Variants in NFYC observed in about 807,000 individuals in gnomAD.
NFYC encodes the protein nuclear transcription factor Y subunit gamma.
A neutral mutation model predicts 53.1 loss-of-function variants in NFYC; 25 were observed. The observed-to-expected ratio is 0.47, with a 90% CI of 0.34 to 0.66. The LOEUF (loss-of-function observed/expected upper bound fraction) is 0.66, where lower values mean the gene tolerates loss of function less well. Ranked by LOEUF, NFYC falls within the 30% of genes least tolerant of loss-of-function variation. The probability of loss-of-function intolerance (pLI) is 0.01; values close to 1 mark genes in which losing one functional copy is unlikely to be tolerated. For missense variants in NFYC, 260 were observed against 422.7 expected, an observed-to-expected ratio of 0.62 and a Z score of 3.38; for synonymous variants, 145 against 152.6, an observed-to-expected ratio of 0.95 and a Z score of 0.37.
At chr1:40,747,841 G>A (rs558809658) in intron 3 of NFYC, among the ~76,000 whole-genome samples, 1 of 136,996 alleles carries the variant, frequency 7.3e-6, no homozygotes, top group South Asian at 2.4e-4. Context: ...TTGATGTTGG[G>A]TTTTTTTTTT....
intron 6 of NFYC, among the ~76,000 whole-genome samples, chr1:40,761,009 ATT>A (rs1646516132): frequency 6.6e-6 from 1 of 152,198 alleles, no homozygotes; most frequent in African/African-American, 2.4e-5. Context: ...GCAGGCTCTG[ATT>A]GGCTGATCAT....
At chr1:40,705,694 T>G (rs1412822916) in intron 1 of NFYC, among the ~76,000 whole-genome samples, 1 of 152,200 alleles carries the variant, frequency 6.6e-6, no homozygotes, top group Non-Finnish European at 1.5e-5. Context: ...ATTGGCTAGG[T>G]CTCTAACTGG....
intron 7 of NFYC, chr1:40,766,257 C>T (rs1455888477): frequency 4.4e-6 from 1 of 226,798 alleles, no homozygotes; most frequent in Non-Finnish European, 8.7e-6. Flanking sequence ...TGATGTCAGT[C>T]AGATAAATTC....
chr1:40,700,364 TGG>T (rs1416987394), intron 1 of NFYC, among the ~76,000 whole-genome samples: 1 of 152,194 alleles, frequency 6.6e-6, no homozygotes, highest in South Asian at 2.1e-4. Context: ...TTTTTTGAGA[TGG>T]GGTCTCACTT....
intron 6 of NFYC, among the ~76,000 whole-genome samples, chr1:40,759,668 C>T (rs547633590): frequency 2.0e-4 from 31 of 151,356 alleles, no homozygotes; most frequent in African/African-American, 6.8e-4. Flanking sequence ...AAGATGTGAA[C>T]GAGGTGGTCA....
At chr1:40,707,246 C>A (rs1643740793) in intron 1 of NFYC, among the ~76,000 whole-genome samples, 1 of 151,784 alleles carries the variant, frequency 6.6e-6, no homozygotes, top group Non-Finnish European at 1.5e-5. Context: ...GTAATCCCAG[C>A]ACTTCAGGAG....
chr1:40,761,049 TGACAGCAGG>T (rs1646519077), intron 6 of NFYC, among the ~76,000 whole-genome samples: 1 of 152,182 alleles, frequency 6.6e-6, no homozygotes, highest in South Asian at 2.1e-4. Context: ...TGTTGTGCCC[TGACAGCAGG>T]GCACACCATA....
intron 6 of NFYC, 65 bp from the exon 7 acceptor site, chr1:40,762,823 C>T (rs1470547470): frequency 5.6e-6 from 8 of 1,417,272 alleles, no homozygotes; most frequent in South Asian, 1.7e-5. Context: ...CGTTATTAAC[C>T]TCTCGGTAAT....
intron 9 of NFYC, among the ~76,000 whole-genome samples, chr1:40,769,628 C>A (rs983580796): frequency 2.0e-5 from 3 of 152,140 alleles, no homozygotes; most frequent in African/African-American, 7.2e-5. Flanking sequence ...AGACATGTAG[C>A]CCAAATTGCC....
rs1312392978 is a variant in NFYC, at chr1:40,691,808, T to C, written c.-68T>C. 2 of 446,992 alleles carry C rather than the reference T, an allele frequency of 4.5e-6. No homozygotes were observed. The highest frequency in any genetic ancestry group is 4.1e-5 in the African/African-American group (2 of 49,196). The allele number at this position is 446,992 out of a possible 1,614,324, so 27.7% of individuals were successfully genotyped here. Reference sequence around the variant, plus strand: ...CCTCCGCCGCGCCTGGGCCTCTGCATTGCCCGACTCCGTAGGAGCGCGGGG... The same window carrying C: ...CCTCCGCCGCGCCTGGGCCTCTGCACTGCCCGACTCCGTAGGAGCGCGGGG... On this transcript the variant is annotated 5_prime_UTR_variant, in exon 1 of 10. Coordinates refer to ENST00000447388, the MANE Select transcript of NFYC (RefSeq NM_014223.5).
At position 40,770,512 on chromosome 1, in the gene NFYC, C is replaced by G. The variant is rs1302191258; in HGVS notation, c.889-197C>G. ...ACCTCTTCCCTGCCCACCACACACCCCCCCTCACACCGGGCTGGTGCCTCC... is the reference window on the plus strand; with the variant it reads ...ACCTCTTCCCTGCCCACCACACACCGCCCCTCACACCGGGCTGGTGCCTCC... On this transcript the variant is annotated intron_variant, in intron 9 of 9. Transcript: ENST00000447388. This position sits in a 1 kb window ranked among gnomAD's most constrained non-coding sequence, Gnocchi z 5.3. 6.4e-7 allele frequency: 1 copy of G among 1,555,734 alleles called. No homozygotes were observed. Among genetic ancestry groups the G allele is most frequent in the Non-Finnish European group, 8.7e-7 (1 of 1,149,438 alleles).
At position 40,771,102 on chromosome 1, in the gene NFYC, A is replaced by G; in HGVS notation, c.*274A>G. The G allele has an allele frequency of 2.0e-6, 1 of 498,386 alleles. No individual in the cohort carries two copies. The highest frequency in any genetic ancestry group is 3.6e-6 in the Non-Finnish European group (1 of 281,058). 30.9% of individuals were successfully genotyped at this position (498,386 alleles called of 1,614,324 possible). A position where few individuals can be genotyped will look rare whatever the true frequency, so the allele number is the denominator to read the frequency against. ...CAATGCTATGAAATTAAAATATTAA[A>G]TAACATATTTATGGCATTTTCTTGA... On this transcript the variant is annotated 3_prime_UTR_variant, in exon 10 of 10. Coordinates refer to ENST00000447388, the MANE Select transcript of NFYC (RefSeq NM_014223.5).
intron 6 of NFYC, among the ~76,000 whole-genome samples, chr1:40,760,387 C>G (rs960262224): frequency 6.6e-6 from 1 of 152,102 alleles, no homozygotes; most frequent in East Asian, 1.9e-4. Context: ...GGCAATATGG[C>G]AAGACCTTGT....
Position 40,770,726 on chromosome 1 carries a change from GCAAGT to G in NFYC, c.909_913del (p.Gln303HisfsTer35). ...CCTCGCAGCAGCTCTACCAGATCCA[GCAAGT>G]CACCATGCCTGCGGGCCAGGACCTC... On this transcript the variant is annotated frameshift_variant, in exon 10 of 10. Transcript: ENST00000447388. LOFTEE classifies it high-confidence loss of function. The surrounding 1 kb of genome is among the most constrained non-coding windows in gnomAD (Gnocchi z 5.3). The G allele has an allele frequency of 6.2e-7, 1 of 1,614,092 alleles. No individual in the cohort carries two copies. The highest frequency in any genetic ancestry group is 8.5e-7 in the Non-Finnish European group (1 of 1,180,034).
intron 8 of NFYC, 146 bp downstream of exon 8, chr1:40,766,849 C>A: frequency 6.6e-7 from 1 of 1,524,812 alleles, no homozygotes; most frequent in Non-Finnish European, 8.9e-7. Context: ...TCCTTCTGCA[C>A]CCAAGAGGCA....
chr1:40,715,086 CAATAAATA>C (rs59310200), intron 1 of NFYC, among the ~76,000 whole-genome samples: 16 of 142,526 alleles, frequency 1.1e-4, no homozygotes, highest in South Asian at 9.3e-4. Flanking sequence ...TGTCTCAAAA[CAATAAATA>C]AATAAATAAA....
At chr1:40,769,236 A>G (rs929080439) in intron 8 of NFYC, 120 bp from the exon 9 acceptor site, 39 of 947,128 alleles carry the variant, frequency 4.1e-5, no homozygotes, top group Admixed American at 1.0e-4. Context: ...CCCATTGAGC[A>G]CCTGCTGGGC....
At chr1:40,764,861 A>T (rs1047309636) in intron 7 of NFYC, among the ~76,000 whole-genome samples, 1 of 152,192 alleles carries the variant, frequency 6.6e-6, no homozygotes, top group Admixed American at 6.5e-5. Context: ...ACCTAGGCCA[A>T]AAAGGAAAGC....
At chr1:40,748,076 T>TA (rs1429683787) in intron 3 of NFYC, among the ~76,000 whole-genome samples, 1 of 152,116 alleles carries the variant, frequency 6.6e-6, no homozygotes. Context: ...CCTCAGGTGA[T>TA]ATGCCTGCCT....
Sources: allele counts gnomAD v4.1 joint callset (sites outside exome capture counted in the v4.1 genomes callset), GRCh38; gene constraint gnomAD v4.1.1; non-coding constraint Gnocchi (gnomAD v3.1); transcripts MANE v1.5; gene names NCBI Gene and HGNC (gene_info 2026-07-23, HGNC 2026-07-21).